The following CCDC57 variants were observed in gnomAD, a reference collection of about 807,000 sequenced individuals.
CCDC57 encodes coiled-coil domain containing 57.
Under a neutral mutation model 118.9 loss-of-function variants are expected in CCDC57, and 118 were observed. The ratio of observed to expected loss-of-function variants is 0.99; its 90% CI spans 0.86 to 1.16. The LOEUF (loss-of-function observed/expected upper bound fraction) is 1.16, where lower values mean the gene tolerates loss of function less well. Ranked by LOEUF, CCDC57 falls within the 50% of genes most tolerant of loss-of-function variation. CCDC57 has a pLI of 0.00. For synonymous variants in CCDC57, 527 were observed against 532.9 expected (o/e 0.99, Z 0.15); for missense variants, 1,300 against 1,320.7 (o/e 0.98, Z 0.24).
intron 19 of CCDC57, among the ~76,000 whole-genome samples, chr17:82,102,278 A>G (rs2034504213): frequency 6.6e-6 from 1 of 152,146 alleles, no homozygotes; most frequent in Non-Finnish European, 1.5e-5. Context: ...GGGTGTCCCT[A>G]CCATCTGAGA....
intron 11 of CCDC57, among the ~76,000 whole-genome samples, chr17:82,173,472 A>T (rs1333656043): frequency 6.6e-6 from 1 of 152,144 alleles, no homozygotes; most frequent in Non-Finnish European, 1.5e-5. Context: ...ACCATGAACA[A>T]GGTGCACAAG....
At chr17:82,174,470 C>G (rs2045209129) in intron 11 of CCDC57, among the ~76,000 whole-genome samples, 1 of 152,206 alleles carries the variant, frequency 6.6e-6, no homozygotes. Flanking sequence ...GCTGGGAAAG[C>G]CGGACAAACT....
At chr17:82,115,774 A>G (rs183532287) in intron 19 of CCDC57, among the ~76,000 whole-genome samples, 15 of 149,296 alleles carry the variant, frequency 1.0e-4, no homozygotes, top group African/African-American at 3.5e-4. Context: ...TCTCAAAAAT[A>G]CAAAAAATTT....
In CCDC57 at chr17:82,188,276, C is replaced by T. The variant is rs759165705; in HGVS notation, c.995G>A (p.Arg332His). 2.7e-5 allele frequency: 43 copies of T among 1,577,448 alleles called. No individual in the cohort carries two copies. In the East Asian group the frequency reaches 3.7e-4, roughly 14 times the overall value. Residue 332 changes from arginine to histidine, a missense_variant, in exon 8 of 20, where the codon CGC (arginine) becomes CAC (histidine). Physicochemically the swap from Arg to His is conservative, Grantham distance 29. Coordinates refer to ENST00000665763, the Ensembl canonical transcript of CCDC57. ...GTCAGCCTGTCTCCACTCTGCCCTG[C>T]GGAGCTGCGCCTCGAGGGTCTCGCA...
At chr17:82,117,015 A>G (rs752191373) in intron 19 of CCDC57, among the ~76,000 whole-genome samples, 5 of 152,196 alleles carry the variant, frequency 3.3e-5, no homozygotes, top group Non-Finnish European at 5.9e-5. Flanking sequence ...AACCACATAT[A>G]AGATGGCCAA....
At chr17:82,183,980 G>A (rs984908596) in intron 8 of CCDC57, 48 bp from the exon 8 acceptor site, 2 of 1,401,488 alleles carry the variant, frequency 1.4e-6, no homozygotes, top group Non-Finnish European at 9.6e-7. Context: ...ACTCACTAAA[G>A]TTGTCTCTTA....
At chr17:82,140,625 C>T (rs2039888065) in intron 16 of CCDC57, among the ~76,000 whole-genome samples, 2 of 152,216 alleles carry the variant, frequency 1.3e-5, no homozygotes, top group South Asian at 4.1e-4. Context: ...CAATGAGAAT[C>T]TTTGTTTTTT....
chr17:82,121,465 T>C lies in CCDC57; in HGVS notation c.2899+6227A>G, dbSNP rs950361175. Among the ~76,000 whole-genome samples, 4 of 152,246 alleles carry C rather than the reference T, an allele frequency of 2.6e-5. No homozygotes were observed. In the East Asian group the frequency reaches 7.7e-4, roughly 29 times the overall value. On this transcript the variant is annotated intron_variant, in intron 19 of 19. Coordinates refer to ENST00000665763, the Ensembl canonical transcript of CCDC57. The stretch of plus-strand genomic sequence containing the variant: ...AAGACAGGCGCCTGGAGCCGGGTCA[T>C]AGGGAGGCAACATGACCCCCACAGC...
intron 14 of CCDC57, among the ~76,000 whole-genome samples, chr17:82,162,270 T>C (rs752391102): frequency 6.6e-6 from 1 of 152,164 alleles, no homozygotes; most frequent in Non-Finnish European, 1.5e-5. Flanking sequence ...CCTCCCAAAG[T>C]GCTGGGATTA....
intron 16 of CCDC57, among the ~76,000 whole-genome samples, chr17:82,150,283 A>G (rs2041755183): frequency 6.9e-6 from 1 of 144,660 alleles, no homozygotes. Context: ...AACCAGGCGC[A>G]CACCCAGAAC....
intron 1 of CCDC57, among the ~76,000 whole-genome samples, chr17:82,210,096 G>C (rs1247101925): frequency 1.4e-4 from 21 of 152,120 alleles, no homozygotes. Context: ...TAAGGACAGA[G>C]AGGCCAACTT....
intron 17 of CCDC57, among the ~76,000 whole-genome samples, chr17:82,131,259 C>G (rs927780870): frequency 1.3e-5 from 2 of 149,508 alleles, no homozygotes; most frequent in Admixed American, 1.3e-4. Flanking sequence ...GGCAAAACCT[C>G]GTCTCTATCA....
At position 82,193,978 on chromosome 17, in the gene CCDC57, G is replaced by C. The variant is rs535580376; in HGVS notation, c.776+4C>G. ...ACGCCTCGGGAGATGAAGGACTCGC[G>C]CACCGGGCGCGGCTCATGGCCTCCA... On this transcript the variant is annotated splice_donor_region_variant and intron_variant, in intron 6 of 19. Transcript: ENST00000665763. The C allele has an allele frequency of 1.7e-4, 271 of 1,606,664 alleles. 2 individuals carry two copies. The South Asian group carries it at 2.7e-3, about 16-fold the overall frequency.
intron 17 of CCDC57, among the ~76,000 whole-genome samples, chr17:82,133,019 A>C (rs2038641934): frequency 6.6e-6 from 1 of 151,992 alleles, no homozygotes; most frequent in African/African-American, 2.4e-5. Flanking sequence ...CGGCCTCCCA[A>C]AGTGCTGGGA....
intron 2 of CCDC57, among the ~76,000 whole-genome samples, chr17:82,206,607 G>A (rs184461157): frequency 5.6e-4 from 85 of 152,188 alleles, no homozygotes; most frequent in African/African-American, 1.6e-3. Context: ...CTCCCCTTAC[G>A]CATCTCCTCA....
chr17:82,201,785 G>C (rs1357136890), exon 3 of CCDC57: 5 of 1,613,524 alleles, frequency 3.1e-6, no homozygotes, highest in Non-Finnish European at 4.2e-6. Context: ...AAGTCCTCCT[G>C]CAGGCACCGC....
chr17:82,153,036 G>A (rs984870588), intron 15 of CCDC57, among the ~76,000 whole-genome samples: 9 of 152,362 alleles, frequency 5.9e-5, no homozygotes, highest in African/African-American at 1.9e-4. Flanking sequence ...GCCTGAGCCC[G>A]AGTCCAGACT....
chr17:82,194,029 C>A, exon 6 of CCDC57: 1 of 1,613,430 alleles, frequency 6.2e-7, no homozygotes, highest in South Asian at 1.1e-5. Flanking sequence ...CGGCTCGGCT[C>A]TGGAGCTTCC....
chr17:82,190,016 A>G (rs1053165651), intron 7 of CCDC57, among the ~76,000 whole-genome samples: 2 of 139,750 alleles, frequency 1.4e-5, no homozygotes, highest in Non-Finnish European at 3.1e-5. Context: ...GTCTCAAATT[A>G]AAAAAAAAAA....
Sources: gnomAD v4.1 joint callset for allele counts (sites outside exome capture counted in the v4.1 genomes callset) on GRCh38, gnomAD v4.1.1 for gene constraint, MANE v1.5 for transcripts, NCBI Gene and HGNC (gene_info 2026-07-23, HGNC 2026-07-21) for gene names.